LYRM7: variants seen among roughly 807,000 people sequenced by gnomAD.
The protein encoded by LYRM7 is LYR motif containing 7, also known as complex III assembly factor LYRM7.
A neutral mutation model predicts 15.8 loss-of-function variants in LYRM7; 9 were observed. The ratio of observed to expected loss-of-function variants is 0.57; its 90% CI spans 0.34 to 0.99. LYRM7 has a LOEUF of 0.99. LYRM7 is among the 50% of genes least tolerant of loss of function. The pLI is 0.02. For synonymous variants in LYRM7, 39 were observed against 39.4 expected (o/e 0.99, Z 0.04); for missense variants, 115 against 119.1 (o/e 0.97, Z 0.16).
chr5:131,195,539 C>G (rs925186563), intron 4 of LYRM7, among the ~76,000 whole-genome samples: 1 of 152,164 alleles, frequency 6.6e-6, no homozygotes, highest in Admixed American at 6.6e-5. Context: ...TCAAGACTTT[C>G]TCATTCTTCC....
chr5:131,182,315 CA>C lies in LYRM7; in HGVS notation c.162+18del. On this transcript the variant is annotated intron_variant, in intron 3 of 4. Transcript: ENST00000379380. ...AATAGAAGAGGTACAGTAATTTTTT[CA>C]ATTATAGTAAAACTTATACAATTAT... 7.3e-7 allele frequency: 1 copy of C among 1,366,244 alleles called. No individual in the cohort carries two copies. The highest frequency in any genetic ancestry group is 9.8e-7 in the Non-Finnish European group (1 of 1,019,060). The allele number at this position is 1,366,244 out of a possible 1,614,324, so 84.6% of individuals were successfully genotyped here.
chr5:131,198,902 C>G, intron 4 of LYRM7, among the ~76,000 whole-genome samples: 1 of 152,072 alleles, frequency 6.6e-6, no homozygotes, highest in Non-Finnish European at 1.5e-5. Context: ...TTTATCTTAA[C>G]TCCAGCAAGA....
Position 131,204,089 on chromosome 5 carries a change from TTTTG to T in LYRM7, c.*4492_*4495del, listed in dbSNP as rs1463613233. Reference sequence around the variant, plus strand: ...TTAAAGGAATATAAATTATAGGGCCTTTTGTTTCTTTGGGTTTTTTTTTTTTAGA... The same window carrying T: ...TTAAAGGAATATAAATTATAGGGCCTTTTCTTTGGGTTTTTTTTTTTTAGA... On this transcript the variant is annotated 3_prime_UTR_variant, in exon 5 of 5. Coordinates refer to ENST00000379380, the MANE Select transcript of LYRM7 (RefSeq NM_181705.4). 1.3e-5 allele frequency: 2 copies of T among 148,206 alleles called. No individual in the cohort carries two copies. The allele number at this position is 148,206 out of a possible 1,614,324, so 9.2% of individuals were successfully genotyped here. A position where few individuals can be genotyped will look rare whatever the true frequency, so the allele number is the denominator to read the frequency against.
intron 2 of LYRM7, among the ~76,000 whole-genome samples, chr5:131,180,675 A>C (rs10052199): frequency 0.31 from 47,506 of 152,086 alleles, 12,146 homozygotes; most frequent in African/African-American, 0.71. Context: ...TCATACATTT[A>C]TGAACCTCCT....
intron 1 of LYRM7, among the ~76,000 whole-genome samples, chr5:131,174,366 C>G (rs1330633735): frequency 6.6e-6 from 1 of 152,218 alleles, no homozygotes; most frequent in Admixed American, 6.5e-5. Flanking sequence ...TCTTGAACCC[C>G]TCGAAGTCAT....
At chr5:131,187,616 C>G (rs1252796932) in intron 4 of LYRM7, among the ~76,000 whole-genome samples, 1 of 151,982 alleles carries the variant, frequency 6.6e-6, no homozygotes, top group Admixed American at 6.6e-5. Context: ...TCCCAACTAG[C>G]TAGGACTACA....
chr5:131,175,347 G>T (rs1004056393), intron 1 of LYRM7, among the ~76,000 whole-genome samples: 16 of 147,822 alleles, frequency 1.1e-4, no homozygotes, highest in African/African-American at 4.0e-4. Context: ...TTGCAGGCAT[G>T]CACCACCATG....
intron 4 of LYRM7, among the ~76,000 whole-genome samples, chr5:131,194,999 C>CACACCTGTT (rs1212100212): frequency 2.0e-5 from 3 of 152,180 alleles, no homozygotes; most frequent in African/African-American, 7.2e-5. Flanking sequence ...ATCGCTGGCT[C>CACACCTGTT]ACACCTGTTA....
At position 131,204,033 on chromosome 5, in the gene LYRM7, C is replaced by T. The variant is rs1005584971; in HGVS notation, c.*4432C>T. 1 of 151,644 alleles carries T rather than the reference C, an allele frequency of 6.6e-6. No homozygotes were observed. Among genetic ancestry groups the T allele is most frequent in the Non-Finnish European group, 1.5e-5 (1 of 67,936 alleles). The allele number at this position is 151,644 out of a possible 1,614,324, so 9.4% of individuals were successfully genotyped here. ...TCCAATATTTTTAAAGGTTGTAAGA[C>T]TATAAGGAAATAGCCACTGTCATAT... On this transcript the variant is annotated 3_prime_UTR_variant, in exon 5 of 5. Transcript: ENST00000379380.
At chr5:131,190,460 C>A (rs1219792186) in intron 4 of LYRM7, among the ~76,000 whole-genome samples, 1 of 150,104 alleles carries the variant, frequency 6.7e-6, no homozygotes, top group East Asian at 1.9e-4. Context: ...TCCCAAAGTG[C>A]TGGGATTACA....
At chr5:131,190,265 G>T (rs557811049) in intron 4 of LYRM7, among the ~76,000 whole-genome samples, 3 of 151,924 alleles carry the variant, frequency 2.0e-5, no homozygotes, top group Non-Finnish European at 4.4e-5. Context: ...GTGTGATCTC[G>T]TCTCACTGCA....
chr5:131,187,141 C>T, intron 4 of LYRM7, 32 bp downstream of exon 4: 2 of 1,173,476 alleles, frequency 1.7e-6, no homozygotes, highest in South Asian at 1.4e-5. Flanking sequence ...TGGTTTCTAA[C>T]TGCAATGTGT....
intron 4 of LYRM7, among the ~76,000 whole-genome samples, chr5:131,188,408 G>GT (rs1457015650): frequency 8.7e-6 from 1 of 115,068 alleles, no homozygotes; most frequent in East Asian, 2.3e-4. Context: ...CAAGCCACAT[G>GT]TAAAAAAAAA....
intron 3 of LYRM7, among the ~76,000 whole-genome samples, chr5:131,183,931 G>A (rs751511348): frequency 2.4e-4 from 37 of 152,060 alleles, no homozygotes; most frequent in Non-Finnish European, 4.3e-4. Flanking sequence ...TTTTAAAAAT[G>A]TAGTGAGAAG....
intron 4 of LYRM7, among the ~76,000 whole-genome samples, chr5:131,191,240 C>T (rs891056623): frequency 5.9e-5 from 9 of 151,694 alleles, no homozygotes; most frequent in African/African-American, 1.9e-4. Flanking sequence ...ATTCCTTAAT[C>T]TCTCTTTCTA....
chr5:131,191,483 C>T (rs2149664576), intron 4 of LYRM7, among the ~76,000 whole-genome samples: 2 of 152,222 alleles, frequency 1.3e-5, no homozygotes, highest in Non-Finnish European at 2.9e-5. Flanking sequence ...ATCAATCTCT[C>T]TTTTTCTTCC....
chr5:131,192,014 T>G (rs1755892707), intron 4 of LYRM7, among the ~76,000 whole-genome samples: 1 of 132,314 alleles, frequency 7.6e-6, no homozygotes, highest in Non-Finnish European at 1.6e-5. Flanking sequence ...GACAGTTGAT[T>G]AAAAAAAATG....
intron 1 of LYRM7, among the ~76,000 whole-genome samples, chr5:131,176,520 G>GT (rs60566113): frequency 0.15 from 20,550 of 140,602 alleles, 1,545 homozygotes; most frequent in African/African-American, 0.17. Flanking sequence ...CCATTTATGG[G>GT]TTTTTTTTTT....
Position 131,171,027 on chromosome 5 carries a change from CG to C in LYRM7, c.10del (p.Ala4GlnfsTer26). 1 of 1,536,824 alleles carries C rather than the reference CG, an allele frequency of 6.5e-7. No individual in the cohort carries two copies. The highest frequency in any genetic ancestry group is 1.3e-5 in the South Asian group (1 of 79,152). MGRAVKVLQLFKT... is the reference protein window; with the variant it reads MGXAVKVLQLFKT... Reference sequence around the variant, plus strand: ...GGCCGCGGTGAGGAGAGCCATGGGACGGGCAGTCAAGGTGACAGGGCCCGGG... The same window carrying C: ...GGCCGCGGTGAGGAGAGCCATGGGACGGCAGTCAAGGTGACAGGGCCCGGG... On this transcript the variant is annotated frameshift_variant, in exon 1 of 5. Coordinates refer to ENST00000379380, the MANE Select transcript of LYRM7 (RefSeq NM_181705.4). LOFTEE classifies it high-confidence loss of function.
Sources: allele counts gnomAD v4.1 joint callset (sites outside exome capture counted in the v4.1 genomes callset), GRCh38; gene constraint gnomAD v4.1.1; transcripts MANE v1.5; gene names NCBI Gene and HGNC (gene_info 2026-07-23, HGNC 2026-07-21).